Variants in SUMF1 observed in about 807,000 individuals in gnomAD.
SUMF1 encodes the protein sulfatase modifying factor 1.
Under a neutral mutation model 47.6 loss-of-function variants are expected in SUMF1, and 48 were observed. The ratio of observed to expected loss-of-function variants is 1.01; its 90% CI spans 0.80 to 1.28. The LOEUF (loss-of-function observed/expected upper bound fraction) is 1.28. Ranked by LOEUF, SUMF1 falls within the 50% of genes most tolerant of loss-of-function variation. SUMF1 has a pLI of 0.00. For missense variants in SUMF1, 571 were observed against 485.4 expected (o/e 1.18, Z -1.66); for synonymous variants, 230 against 192.1 (o/e 1.20, Z -1.63).
At chr3:4,067,443 G>A (rs1054239677) in intron 9 of SUMF1, among the ~76,000 whole-genome samples, 1 of 152,192 alleles carries the variant, frequency 6.6e-6, no homozygotes, top group Non-Finnish European at 1.5e-5. Flanking sequence ...TTAAGTAGCT[G>A]CTTCTAGATG....
intron 8 of SUMF1, among the ~76,000 whole-genome samples, chr3:4,341,547 CT>C (rs1210283931): frequency 6.6e-6 from 1 of 152,004 alleles, no homozygotes; most frequent in African/African-American, 2.4e-5. Flanking sequence ...CAATAGACAT[CT>C]TTTTTTAAAA....
chr3:4,166,719 T>G (rs890751986), intron 8 of SUMF1, among the ~76,000 whole-genome samples: 32 of 152,140 alleles, frequency 2.1e-4, no homozygotes, highest in African/African-American at 7.0e-4. Flanking sequence ...TTGGGTGATG[T>G]AACTTTAAGA....
intron 8 of SUMF1, among the ~76,000 whole-genome samples, chr3:4,299,462 T>A (rs1697919935): frequency 6.6e-6 from 1 of 152,242 alleles, no homozygotes; most frequent in South Asian, 2.1e-4. Flanking sequence ...CTGTGGTAGA[T>A]GTTTCAAGTA....
At chr3:4,352,462 C>G (rs145235742) in intron 8 of SUMF1, among the ~76,000 whole-genome samples, 29 of 152,238 alleles carry the variant, frequency 1.9e-4, no homozygotes, top group African/African-American at 6.3e-4. Context: ...TGAGCTGTTT[C>G]AGAAAGTAAC....
chr3:4,206,345 T>A (rs538848807), intron 8 of SUMF1, among the ~76,000 whole-genome samples: 1 of 152,162 alleles, frequency 6.6e-6, no homozygotes, highest in East Asian at 1.9e-4. Flanking sequence ...GGAATCACAG[T>A]CTTTGTGGCC....
At chr3:4,249,833 C>A (rs1696753274) in intron 8 of SUMF1, among the ~76,000 whole-genome samples, 1 of 152,114 alleles carries the variant, frequency 6.6e-6, no homozygotes, top group Non-Finnish European at 1.5e-5. Context: ...AGGAAAACTT[C>A]TCCGAGGAAA....
intron 3 of SUMF1, among the ~76,000 whole-genome samples, chr3:4,439,743 T>A (rs1702518411): frequency 6.6e-6 from 1 of 151,748 alleles, no homozygotes; most frequent in African/African-American, 2.4e-5. Flanking sequence ...TTTTTTTTAA[T>A]ATTAGAGATG....
chr3:4,334,764 T>C (rs1254959688), intron 8 of SUMF1, among the ~76,000 whole-genome samples: 1 of 152,060 alleles, frequency 6.6e-6, no homozygotes, highest in East Asian at 1.9e-4. Context: ...CAAGGTGGAG[T>C]AGCCTTTGTT....
At chr3:4,135,732 T>C (rs977994830) in intron 8 of SUMF1, among the ~76,000 whole-genome samples, 1 of 152,128 alleles carries the variant, frequency 6.6e-6, no homozygotes, top group African/African-American at 2.4e-5. Flanking sequence ...AACCCCATCA[T>C]CTCAGCCCAA....
At chr3:4,341,350 A>G (rs1405135452) in intron 8 of SUMF1, among the ~76,000 whole-genome samples, 2 of 152,234 alleles carry the variant, frequency 1.3e-5, no homozygotes, top group African/African-American at 4.8e-5. Context: ...GCTCTTAGAA[A>G]ATAATGACCC....
intron 4 of SUMF1, among the ~76,000 whole-genome samples, chr3:4,418,916 C>G (rs1485470431): frequency 2.6e-5 from 4 of 152,212 alleles, no homozygotes; most frequent in Non-Finnish European, 5.9e-5. Context: ...TCCCTGCTCA[C>G]TTTTTTAAAA....
intron 8 of SUMF1, among the ~76,000 whole-genome samples, chr3:4,181,809 C>T (rs1009477162): frequency 1.3e-5 from 2 of 152,030 alleles, no homozygotes; most frequent in African/African-American, 4.8e-5. Flanking sequence ...TGCAGGCTGA[C>T]GTATGTATCA....
At chr3:4,462,877 C>T (rs2079850029) in intron 1 of SUMF1, among the ~76,000 whole-genome samples, 1 of 152,114 alleles carries the variant, frequency 6.6e-6, no homozygotes, top group African/African-American at 2.4e-5. Flanking sequence ...AAATGACATT[C>T]AAAGTTTCTT....
intron 8 of SUMF1, among the ~76,000 whole-genome samples, chr3:4,108,768 A>C (rs1231895818): frequency 6.6e-6 from 1 of 151,596 alleles, no homozygotes; most frequent in Admixed American, 6.6e-5. Context: ...TCTGTTTTCC[A>C]TTTGCTTGGT....
chr3:4,329,385 A>G (rs577870804), intron 8 of SUMF1, among the ~76,000 whole-genome samples: 1 of 152,332 alleles, frequency 6.6e-6, no homozygotes, highest in South Asian at 2.1e-4. Flanking sequence ...ATCCTCTGAA[A>G]TATAGGTGGA....
At chr3:4,315,919 T>C (rs1340838497) in intron 8 of SUMF1, among the ~76,000 whole-genome samples, 3 of 151,762 alleles carry the variant, frequency 2.0e-5, no homozygotes, top group Non-Finnish European at 2.9e-5. Context: ...TGGTGGCACA[T>C]GTCTGTAGTC....
intron 8 of SUMF1, among the ~76,000 whole-genome samples, chr3:4,255,185 A>G (rs9681266): frequency 0.026 from 3,745 of 142,280 alleles, 184 homozygotes; most frequent in African/African-American, 0.089. Context: ...GACCATCGAG[A>G]CTAGGAAGAA....
intron 3 of SUMF1, among the ~76,000 whole-genome samples, chr3:4,440,094 G>T (rs925077554): frequency 5.3e-5 from 8 of 151,998 alleles, no homozygotes; most frequent in African/African-American, 1.9e-4. Context: ...AAATTAGCTG[G>T]GCTTGGTGGC....
intron 7 of SUMF1, among the ~76,000 whole-genome samples, chr3:4,405,008 C>G (rs543969458): frequency 1.3e-5 from 2 of 152,182 alleles, no homozygotes; most frequent in Non-Finnish European, 2.9e-5. Flanking sequence ...ATCGCCTGGG[C>G]AGAGGAGGAT....
Sources: allele counts gnomAD v4.1 joint callset (sites outside exome capture counted in the v4.1 genomes callset), GRCh38; gene constraint gnomAD v4.1.1; transcripts MANE v1.5; gene names NCBI Gene and HGNC (gene_info 2026-07-23, HGNC 2026-07-21).